The following DENND5B variants were observed in gnomAD, a reference collection of about 807,000 sequenced individuals.
DENND5B encodes DENN domain containing 5B, also known as DENN domain-containing protein 5B.
Under a neutral mutation model 140.6 loss-of-function variants are expected in DENND5B, and 34 were observed. The observed-to-expected ratio is 0.24, with a 90% CI of 0.18 to 0.32. The LOEUF is 0.32. Ranked by LOEUF, DENND5B falls within the 10% of genes least tolerant of loss-of-function variation. DENND5B has a pLI of 1.00. For synonymous variants in DENND5B, 551 were observed against 562.1 expected (o/e 0.98, Z 0.28); for missense variants, 1,142 against 1,560.2 (o/e 0.73, Z 4.52).
chr12:31,475,765 A>T (rs575077444), intron 3 of DENND5B, among the ~76,000 whole-genome samples: 1 of 151,950 alleles, frequency 6.6e-6, no homozygotes, highest in Non-Finnish European at 1.5e-5. Context: ...AACAAACAAA[A>T]AAAGAGCAGA....
intron 1 of DENND5B, among the ~76,000 whole-genome samples, chr12:31,517,393 C>T (rs139612984): frequency 1.1e-3 from 165 of 152,346 alleles, no homozygotes; most frequent in African/African-American, 3.5e-3. Flanking sequence ...GCTCTATGCC[C>T]TAATTCTGTA....
intron 1 of DENND5B, among the ~76,000 whole-genome samples, chr12:31,547,153 C>T (rs1424405926): frequency 6.6e-6 from 1 of 152,124 alleles, no homozygotes; most frequent in Non-Finnish European, 1.5e-5. Flanking sequence ...CAGATTTGCA[C>T]TTATTGTTGT....
At chr12:31,398,540 G>T (rs969462227) in intron 16 of DENND5B, among the ~76,000 whole-genome samples, 178 bp from the exon 17 acceptor site, 8 of 152,004 alleles carry the variant, frequency 5.3e-5, no homozygotes, top group Admixed American at 1.3e-4. Flanking sequence ...GGCCTCAAGT[G>T]ATCCCCCCAT....
intron 1 of DENND5B, among the ~76,000 whole-genome samples, chr12:31,508,069 G>A (rs1947270838): frequency 6.6e-6 from 1 of 151,922 alleles, no homozygotes; most frequent in Non-Finnish European, 1.5e-5. Flanking sequence ...CTTTGCTAAA[G>A]AGACACCAAG....
intron 20 of DENND5B, 96 bp downstream of exon 20, chr12:31,389,228 G>A: frequency 8.7e-7 from 1 of 1,154,002 alleles, no homozygotes; most frequent in East Asian, 2.6e-5. Context: ...GAAACCCAAA[G>A]GAGAGCTCTG....
intron 11 of DENND5B, among the ~76,000 whole-genome samples, chr12:31,417,585 G>A (rs745789911): frequency 3.9e-5 from 6 of 152,108 alleles, no homozygotes; most frequent in Non-Finnish European, 8.8e-5. Flanking sequence ...GGGATTACAG[G>A]TGCGTGCCAC....
chr12:31,471,329 G>T (rs1945547833), intron 3 of DENND5B, among the ~76,000 whole-genome samples: 1 of 152,088 alleles, frequency 6.6e-6, no homozygotes, highest in African/African-American at 2.4e-5. Context: ...ATTTTGTTGT[G>T]TTTGAGAAGG....
At position 31,421,939 on chromosome 12, in the gene DENND5B, T is replaced by C. The variant is rs138096762; in HGVS notation, c.2470+1658A>G. ...AACTTGATCTGAATCTTTATAAATA[T>C]AGTTACAGCCAAGGACAACAGAACC... On this transcript the variant is annotated intron_variant, in intron 11 of 20. Coordinates refer to ENST00000389082, the MANE Select transcript of DENND5B (RefSeq NM_144973.4). Among the ~76,000 whole-genome samples, 641 of 152,206 alleles carry C rather than the reference T, an allele frequency of 4.2e-3. 4 individuals carry two copies. The highest frequency in any genetic ancestry group is 0.014 in the African/African-American group (584 of 41,538).
intron 3 of DENND5B, among the ~76,000 whole-genome samples, chr12:31,463,319 G>A (rs976536424): frequency 1.3e-5 from 2 of 152,066 alleles, no homozygotes; most frequent in African/African-American, 4.8e-5. Flanking sequence ...CTCACCAGGA[G>A]TAGGCAGAGA....
chr12:31,396,802 A>G (rs1941496960), intron 17 of DENND5B, among the ~76,000 whole-genome samples: 1 of 152,060 alleles, frequency 6.6e-6, no homozygotes, highest in Non-Finnish European at 1.5e-5. Context: ...TTGTTTTTTT[A>G]GTAGAGACGG....
At chr12:31,395,695 A>G (rs1941406768) in intron 17 of DENND5B, among the ~76,000 whole-genome samples, 1 of 152,196 alleles carries the variant, frequency 6.6e-6, no homozygotes, top group South Asian at 2.1e-4. Context: ...GAATCTAGGG[A>G]AACTGCTTTG....
intron 1 of DENND5B, among the ~76,000 whole-genome samples, chr12:31,542,810 A>T (rs1263835812): frequency 1.3e-5 from 2 of 152,100 alleles, no homozygotes; most frequent in Non-Finnish European, 2.9e-5. Context: ...TATAAAAATT[A>T]CCTCAGTGTG....
chr12:31,490,826 G>A (rs1363783948), intron 2 of DENND5B, among the ~76,000 whole-genome samples: 6 of 152,024 alleles, frequency 3.9e-5, no homozygotes, highest in African/African-American at 7.2e-5. Context: ...ACCTTTCACC[G>A]TTTACTCTTT....
chr12:31,437,367 C>G (rs1035913750), intron 7 of DENND5B, among the ~76,000 whole-genome samples: 3 of 152,096 alleles, frequency 2.0e-5, no homozygotes, highest in African/African-American at 7.2e-5. Flanking sequence ...ATCTCCTGAC[C>G]TCGTGATCCT....
chr12:31,410,333 T>C (rs1000938858), intron 13 of DENND5B, among the ~76,000 whole-genome samples: 1 of 152,316 alleles, frequency 6.6e-6, no homozygotes, highest in African/African-American at 2.4e-5. Context: ...TCCCAAGTGT[T>C]TTATAGGTAT....
At chr12:31,571,266 G>A (rs554978656) in intron 1 of DENND5B, among the ~76,000 whole-genome samples, 3 of 152,198 alleles carry the variant, frequency 2.0e-5, no homozygotes, top group Admixed American at 1.3e-4. Flanking sequence ...CACACAAATC[G>A]GACCAGTAAG....
intron 1 of DENND5B, among the ~76,000 whole-genome samples, chr12:31,580,087 T>C (rs1950167955): frequency 1.3e-5 from 2 of 152,136 alleles, no homozygotes; most frequent in African/African-American, 2.4e-5. Context: ...TGCAGTTTCC[T>C]AAGATATTCC....
intron 1 of DENND5B, among the ~76,000 whole-genome samples, chr12:31,507,941 A>AT (rs1363851764): frequency 6.6e-6 from 1 of 152,172 alleles, no homozygotes; most frequent in Non-Finnish European, 1.5e-5. Flanking sequence ...ATTCTTAAGT[A>AT]TTTACCTTCT....
At chr12:31,588,120 T>A (rs1156343955) in intron 1 of DENND5B, among the ~76,000 whole-genome samples, 2 of 152,218 alleles carry the variant, frequency 1.3e-5, no homozygotes, top group East Asian at 3.9e-4. Context: ...GACTCCTTGC[T>A]GTTACCAGCA....
Sources: gnomAD v4.1 joint callset for allele counts (sites outside exome capture counted in the v4.1 genomes callset) on GRCh38, gnomAD v4.1.1 for gene constraint, MANE v1.5 for transcripts, NCBI Gene and HGNC (gene_info 2026-07-23, HGNC 2026-07-21) for gene names.